The following FAT3 variants were observed in gnomAD, a reference collection of about 807,000 sequenced individuals.
FAT3 encodes the protein FAT atypical cadherin 3.
A neutral mutation model predicts 310.2 loss-of-function variants in FAT3; 95 were observed. The ratio of observed to expected loss-of-function variants is 0.31; its 90% CI spans 0.26 to 0.36. FAT3 has a LOEUF of 0.36. Ranked by LOEUF, FAT3 falls within the 10% of genes least tolerant of loss-of-function variation. FAT3 has a pLI of 1.00. For synonymous variants in FAT3, 2,314 were observed against 2,192.9 expected (o/e 1.06, Z -1.54); for missense variants, 5,408 against 5,715.6 (o/e 0.95, Z 1.74).
chr11:92,528,702 A>G (rs1168993131), intron 3 of FAT3, among the ~76,000 whole-genome samples: 1 of 152,110 alleles, frequency 6.6e-6, no homozygotes, highest in Non-Finnish European at 1.5e-5. Flanking sequence ...CTTTTGAGGG[A>G]GTCCAGGGTG....
intron 19 of FAT3, among the ~76,000 whole-genome samples, chr11:92,849,461 C>G (rs115651329): frequency 6.6e-6 from 1 of 152,192 alleles, no homozygotes; most frequent in Admixed American, 6.5e-5. Flanking sequence ...CTCAGAGCCA[C>G]GCAGACCCAA....
chr11:92,349,448 C>T (rs187948568), intron 1 of FAT3, among the ~76,000 whole-genome samples: 13 of 152,298 alleles, frequency 8.5e-5, no homozygotes, highest in Non-Finnish European at 1.5e-4. Context: ...TTCTTTTGCT[C>T]CCATATTTCA....
chr11:92,844,209 C>A lies in FAT3; in HGVS notation c.10842C>A (p.Gly3614=). The change falls in exon 19 of 28, where the codon GGC becomes GGA. Residue 3614 remains glycine (G), a synonymous_variant. Coordinates refer to ENST00000525166, the MANE Select transcript of FAT3 (RefSeq NM_001367949.2). The part of the protein sequence containing the change: ...KIIALGGLDS[G]KYVLNVSVSD... ...TCGCCCTGGGAGGCCTGGACAGCGG[C>A]AAGTATGTCCTGAATGTGTCTGTGA... The A allele has an allele frequency of 6.2e-7, 1 of 1,614,032 alleles. No homozygotes were observed. The highest frequency in any genetic ancestry group is 8.5e-7 in the Non-Finnish European group (1 of 1,179,892).
At chr11:92,720,973 C>T (rs1455900919) in intron 4 of FAT3, among the ~76,000 whole-genome samples, 3 of 152,108 alleles carry the variant, frequency 2.0e-5, no homozygotes, top group Non-Finnish European at 4.4e-5. Flanking sequence ...TTCAGTGGTA[C>T]ATGTGCAGGA....
intron 4 of FAT3, among the ~76,000 whole-genome samples, chr11:92,747,765 C>T (rs1457993356): frequency 6.6e-6 from 1 of 152,172 alleles, no homozygotes; most frequent in African/African-American, 2.4e-5. Context: ...AGGGCAGGGA[C>T]AAAATGCCAC....
At chr11:92,627,212 CTT>C (rs1941370670) in intron 3 of FAT3, among the ~76,000 whole-genome samples, 1 of 152,158 alleles carries the variant, frequency 6.6e-6, no homozygotes, top group African/African-American at 2.4e-5. Flanking sequence ...AGGGAGACCT[CTT>C]TATATAAAGG....
At position 92,422,849 on chromosome 11, in the gene FAT3, C is replaced by T. The variant is rs115839899; in HGVS notation, c.3292+67445C>T. 3.4e-3 allele frequency among the ~76,000 whole-genome samples: 518 copies of T among 152,134 alleles called. 1 individual carries two copies. Among genetic ancestry groups the T allele is most frequent in the African/African-American group, 0.011 (470 of 41,518 alleles). On this transcript the variant is annotated intron_variant, in intron 2 of 27. Transcript: ENST00000525166. ...CTGGCACAGTCTATCAGTAGATATT[C>T]GTTGCATGGCTAGTGGTCAAATCAG...
intron 1 of FAT3, among the ~76,000 whole-genome samples, chr11:92,350,145 TAATC>T (rs1349053126): frequency 5.3e-5 from 8 of 151,970 alleles, no homozygotes; most frequent in African/African-American, 1.9e-4. Context: ...CCAGTAAAAT[TAATC>T]AAGGAGAGGG....
chr11:92,468,761 A>G (rs1463501582), intron 2 of FAT3, among the ~76,000 whole-genome samples: 1 of 152,148 alleles, frequency 6.6e-6, no homozygotes, highest in Non-Finnish European at 1.5e-5. Flanking sequence ...ACTCCCTTAT[A>G]TAACCATGAG....
intron 9 of FAT3, among the ~76,000 whole-genome samples, chr11:92,795,818 G>C (rs2136171187): frequency 6.6e-6 from 1 of 152,208 alleles, no homozygotes; most frequent in East Asian, 1.9e-4. Flanking sequence ...TGAGGCAGGA[G>C]AATCACCTGA....
chr11:92,764,841 G>A (rs1946261831), intron 5 of FAT3, 38 bp from the exon 6 acceptor site: 1 of 1,588,070 alleles, frequency 6.3e-7, no homozygotes, highest in African/African-American at 1.3e-5. Context: ...ACAATCAGAG[G>A]TCTGAGACAT....
intron 2 of FAT3, among the ~76,000 whole-genome samples, chr11:92,399,049 A>G (rs1949951441): frequency 1.3e-5 from 2 of 152,204 alleles, no homozygotes; most frequent in Admixed American, 1.3e-4. Context: ...ACTATATAGA[A>G]TCCTTTATAT....
chr11:92,825,228 C>T (rs1319819068), intron 13 of FAT3, among the ~76,000 whole-genome samples: 1 of 152,140 alleles, frequency 6.6e-6, no homozygotes, highest in African/African-American at 2.4e-5. Flanking sequence ...TTGCTTTGGT[C>T]CCCTAGTTGT....
intron 2 of FAT3, among the ~76,000 whole-genome samples, chr11:92,512,430 A>G (rs1953323805): frequency 6.6e-6 from 1 of 150,670 alleles, no homozygotes; most frequent in South Asian, 2.1e-4. Context: ...TTTCAAAATG[A>G]CTTTCCTAGT....
At chr11:92,593,168 T>G (rs1402477735) in intron 3 of FAT3, among the ~76,000 whole-genome samples, 1 of 146,196 alleles carries the variant, frequency 6.8e-6, no homozygotes, top group African/African-American at 2.6e-5. Flanking sequence ...AGTATTCCAT[T>G]GTGTGTGTGC....
intron 1 of FAT3, among the ~76,000 whole-genome samples, chr11:92,348,733 A>G (rs539084596): frequency 1.1e-3 from 174 of 152,194 alleles, no homozygotes; most frequent in African/African-American, 4.1e-3. Flanking sequence ...CATTTTATGG[A>G]CCCTGGTTTC....
chr11:92,645,706 A>G (rs1022107755), intron 3 of FAT3, among the ~76,000 whole-genome samples: 1 of 152,238 alleles, frequency 6.6e-6, no homozygotes, highest in Non-Finnish European at 1.5e-5. Context: ...TGCAGCCTTC[A>G]TTAGTCACTA....
At chr11:92,323,608 A>G (rs1438996502) in intron 1 of FAT3, among the ~76,000 whole-genome samples, 1 of 144,242 alleles carries the variant, frequency 6.9e-6, no homozygotes, top group Non-Finnish European at 1.5e-5. Flanking sequence ...TTTTCTGAGC[A>G]GTAGGTCTCA....
chr11:92,305,667 C>T (rs1003483936), intron 1 of FAT3, among the ~76,000 whole-genome samples: 1 of 152,022 alleles, frequency 6.6e-6, no homozygotes, highest in Non-Finnish European at 1.5e-5. Flanking sequence ...CTATGGTATT[C>T]GTCCCAAAAT....
Sources: allele counts gnomAD v4.1 joint callset (sites outside exome capture counted in the v4.1 genomes callset), GRCh38; gene constraint gnomAD v4.1.1; transcripts MANE v1.5; gene names NCBI Gene and HGNC (gene_info 2026-07-23, HGNC 2026-07-21).